The following FAM47E variants were observed in gnomAD, a reference collection of about 807,000 sequenced individuals.
The protein encoded by FAM47E is protein FAM47E.
In FAM47E, 32 loss-of-function variants were observed where a neutral mutation model predicts 41.6. The observed-to-expected ratio is 0.77, with a 90% CI of 0.58 to 1.03. The LOEUF is 1.03. Among genes scored for constraint, FAM47E ranks in the 50% least tolerant of loss-of-function variants. The pLI, the probability that FAM47E is intolerant of heterozygous loss-of-function variation, is 0.00. For missense variants in FAM47E, 424 were observed against 485.4 expected, an observed-to-expected ratio of 0.87 and a Z score of 1.19; for synonymous variants, 184 against 188.7, an observed-to-expected ratio of 0.98 and a Z score of 0.20.
chr4:76,261,743 G>A (rs551700642), intron 2 of FAM47E, among the ~76,000 whole-genome samples: 4 of 152,014 alleles, frequency 2.6e-5, no homozygotes, highest in East Asian at 1.9e-4. Flanking sequence ...TTGAGTGATG[G>A]GTTCACTAGA....
At chr4:76,242,850 T>C (rs1733739746) in intron 2 of FAM47E, among the ~76,000 whole-genome samples, 1 of 152,232 alleles carries the variant, frequency 6.6e-6, no homozygotes, top group Non-Finnish European at 1.5e-5. Context: ...TCTTTACTTT[T>C]AAAAATGACT....
chr4:76,218,512 CAAG>C (rs543215688), intron 2 of FAM47E, among the ~76,000 whole-genome samples: 57 of 152,348 alleles, frequency 3.7e-4, no homozygotes, highest in African/African-American at 1.3e-3. Context: ...CTCCTCCGAT[CAAG>C]AAGACCTCAT....
intron 2 of FAM47E, among the ~76,000 whole-genome samples, chr4:76,239,502 A>T (rs1025945230): frequency 3.3e-5 from 5 of 152,116 alleles, no homozygotes; most frequent in African/African-American, 1.2e-4. Flanking sequence ...GCATCATTTC[A>T]TGTACTTACT....
At chr4:76,261,636 ATAAAG>A in intron 2 of FAM47E, among the ~76,000 whole-genome samples, 1 of 152,284 alleles carries the variant, frequency 6.6e-6, no homozygotes, top group Admixed American at 6.5e-5. Flanking sequence ...ATACATGGTC[ATAAAG>A]ATGGAGATAA....
intron 2 of FAM47E, among the ~76,000 whole-genome samples, chr4:76,225,570 G>A (rs769861182): frequency 5.9e-5 from 9 of 152,090 alleles, no homozygotes; most frequent in Admixed American, 2.0e-4. Flanking sequence ...CTTCTATTTC[G>A]ATTTTACCAG....
In FAM47E at chr4:76,271,639, T is replaced by C. The variant is rs191481797; in HGVS notation, c.741T>C (p.His247=). ...TTGACTATGAGACCAAACCAAGCCA[T>C]GATGCGCTCCACACGATGAAGCTAA... ...FDIDYETKPS[H]DALHTMKLNQ... Residue 247 remains histidine (H), a synonymous_variant, in exon 5 of 8, where the codon CAT becomes CAC. Transcript: ENST00000424749. 6.4e-7 allele frequency: 1 copy of C among 1,552,232 alleles called. No homozygotes were observed. The highest frequency in any genetic ancestry group is 2.4e-5 in the East Asian group (1 of 40,926).
chr4:76,283,231 G>A, intron 7 of FAM47E, 150 bp from the exon 8 acceptor site: 2 of 518,846 alleles, frequency 3.9e-6, no homozygotes, highest in South Asian at 5.4e-5. Context: ...CATCTATCAT[G>A]GTCAGATTAT....
intron 6 of FAM47E, chr4:76,278,452 T>C: frequency 2.3e-6 from 1 of 440,784 alleles, no homozygotes; most frequent in Admixed American, 4.0e-5. Flanking sequence ...CTCTAAAGAT[T>C]GGACAGCTAC....
intron 1 of FAM47E, among the ~76,000 whole-genome samples, chr4:76,255,050 T>C (rs73828729): frequency 0.026 from 3,929 of 152,202 alleles, 162 homozygotes; most frequent in African/African-American, 0.09. Context: ...AATATGCCAA[T>C]TGGGGCTCCT....
At chr4:76,232,930 T>C (rs1733517833) in intron 2 of FAM47E, among the ~76,000 whole-genome samples, 1 of 152,232 alleles carries the variant, frequency 6.6e-6, no homozygotes, top group Non-Finnish European at 1.5e-5. Context: ...CTTTTGAATT[T>C]AGTTAACATG....
At position 76,251,791 on chromosome 4, in the gene FAM47E, G is replaced by T; in HGVS notation, c.45G>T (p.Pro15=). ...GGCTCCGGCCGGGGACGTTGGCCCC[G>T]GTGCGCGAGGGCGTGAACTGCAGGT... ...RRRLRPGTLA[P]VREGVNCRSR... The change falls in exon 1 of 8, where the codon CCG becomes CCT. Residue 15 remains proline (P), a synonymous_variant. Transcript: ENST00000424749. 2 of 1,490,146 alleles carry T rather than the reference G, an allele frequency of 1.3e-6. No individual in the cohort carries two copies. The highest frequency in any genetic ancestry group is 2.1e-4 in the Middle Eastern group (1 of 4,856). The allele number at this position is 1,490,146 out of a possible 1,614,324, so 92.3% of individuals were successfully genotyped here.
chr4:76,271,656 T>G lies in FAM47E; in HGVS notation c.758T>G (p.Met253Arg). The G allele has an allele frequency of 6.4e-7, 1 of 1,552,152 alleles. No homozygotes were observed. Among genetic ancestry groups the G allele is most frequent in the Non-Finnish European group, 8.7e-7 (1 of 1,147,092 alleles). Residue 253 changes from methionine (M) to arginine (R), a missense_variant, in exon 5 of 8, where the codon ATG becomes AGG. Coordinates refer to ENST00000424749, the MANE Select transcript of FAM47E (RefSeq NM_001136570.3). ...TKPSHDALHT[M>R]KLNQVPLELK... ...CCAAGCCATGATGCGCTCCACACGA[T>G]GAAGCTAAATCAGGTTCCTCTGGAG...
chr4:76,247,269 A>G (rs935282730), upstream of FAM47E, among the ~76,000 whole-genome samples: 1 of 152,142 alleles, frequency 6.6e-6, no homozygotes, highest in African/African-American at 2.4e-5. Flanking sequence ...GTTATAACTT[A>G]TCAAAATTTC....
At chr4:76,245,813 G>A (rs999393785) in intron 2 of FAM47E, among the ~76,000 whole-genome samples, 4 of 152,124 alleles carry the variant, frequency 2.6e-5, no homozygotes, top group Non-Finnish European at 5.9e-5. Context: ...GCCTATTGCA[G>A]ATGGCTCAGG....
At position 76,280,272 on chromosome 4, in the gene FAM47E, A is replaced by T. The variant is rs1560754446; in HGVS notation, c.1035A>T (p.Leu345Phe). The T allele has an allele frequency of 1.3e-6, 2 of 1,549,068 alleles. No individual in the cohort carries two copies. Among genetic ancestry groups the T allele is most frequent in the Admixed American group, 2.0e-5 (1 of 50,868 alleles). The change falls in exon 7 of 8, where the codon TTA becomes TTT. Residue 345 changes from leucine to phenylalanine, a missense_variant. Coordinates refer to ENST00000424749, the MANE Select transcript of FAM47E (RefSeq NM_001136570.3). ...TGTGGGTACTCTTTTAGGAGGAGTT[A>T]CTTGCAGACCTTCACGGAACAGTTG... is the stretch of plus-strand genomic sequence containing the variant. ...FKKELQEQEE[L>F]LADLHGTVAF...
chr4:76,277,520 G>A (rs924736209), intron 5 of FAM47E, among the ~76,000 whole-genome samples: 5 of 148,714 alleles, frequency 3.4e-5, no homozygotes, highest in Non-Finnish European at 7.5e-5. Flanking sequence ...AAAAAAAAAA[G>A]GCAAAAGCTT....
At chr4:76,272,905 C>T (rs1734951418) in intron 5 of FAM47E, among the ~76,000 whole-genome samples, 1 of 152,172 alleles carries the variant, frequency 6.6e-6, no homozygotes, top group Admixed American at 6.5e-5. Context: ...ATTTTCTCTT[C>T]TGACTAGAAG....
At chr4:76,273,806 T>A (rs1260731466) in intron 5 of FAM47E, among the ~76,000 whole-genome samples, 1 of 152,070 alleles carries the variant, frequency 6.6e-6, no homozygotes, top group African/African-American at 2.4e-5. Context: ...GTCAGCTTTT[T>A]AAATTCTCTT....
At chr4:76,263,415 T>G (rs1442335313) in intron 2 of FAM47E, among the ~76,000 whole-genome samples, 2 of 152,246 alleles carry the variant, frequency 1.3e-5, no homozygotes, top group Admixed American at 1.3e-4. Flanking sequence ...TGCAATTTTT[T>G]TTCAGAATTA....
Sources: gnomAD v4.1 joint callset for allele counts (sites outside exome capture counted in the v4.1 genomes callset) on GRCh38, gnomAD v4.1.1 for gene constraint, MANE v1.5 for transcripts, NCBI Gene and HGNC (gene_info 2026-07-23, HGNC 2026-07-21) for gene names.